Variants in CFAP44 observed in about 807,000 individuals in gnomAD.
The protein encoded by CFAP44 is cilia and flagella associated protein 44, also known as cilia- and flagella-associated protein 44.
CFAP44 carries 134 observed loss-of-function variants against 216.2 expected under a neutral mutation model. The ratio of observed to expected loss-of-function variants is 0.62; its 90% CI spans 0.54 to 0.72. The LOEUF (loss-of-function observed/expected upper bound fraction) is 0.72. CFAP44 is among the 30% of genes least tolerant of loss of function. CFAP44 has a pLI of 0.00. For missense variants in CFAP44, 2,035 were observed against 2,182.1 expected (o/e 0.93, Z 1.34); for synonymous variants, 700 against 727.6 (o/e 0.96, Z 0.61).
At chr3:113,410,884 TTC>T (rs1224358240) in intron 6 of CFAP44, among the ~76,000 whole-genome samples, 3 of 152,234 alleles carry the variant, frequency 2.0e-5, no homozygotes, top group African/African-American at 7.2e-5. Flanking sequence ...TGATTTGCAT[TTC>T]TCTGATGGCC....
intron 22 of CFAP44, among the ~76,000 whole-genome samples, chr3:113,345,056 C>T (rs1445071421): frequency 4.0e-5 from 6 of 148,276 alleles, no homozygotes; most frequent in Admixed American, 3.4e-4. Flanking sequence ...ATCCATCTCC[C>T]TACATATTAT....
intron 19 of CFAP44, among the ~76,000 whole-genome samples, chr3:113,364,580 T>C (rs1025928153): frequency 6.6e-6 from 1 of 152,192 alleles, no homozygotes; most frequent in Non-Finnish European, 1.5e-5. Flanking sequence ...GTACCTTGGT[T>C]TTCTAATATC....
At chr3:113,345,593 A>G (rs1950373835) in intron 22 of CFAP44, among the ~76,000 whole-genome samples, 1 of 152,214 alleles carries the variant, frequency 6.6e-6, no homozygotes, top group Non-Finnish European at 1.5e-5. Context: ...CTCTGTAAAA[A>G]ACATTAAGCT....
intron 28 of CFAP44, among the ~76,000 whole-genome samples, chr3:113,322,436 C>G (rs551518162): frequency 1.3e-5 from 2 of 152,198 alleles, no homozygotes; most frequent in South Asian, 4.2e-4. Flanking sequence ...AGGACATGAA[C>G]ATACACTTCT....
At chr3:113,351,334 G>A (rs1436100120) in intron 22 of CFAP44, among the ~76,000 whole-genome samples, 2 of 152,152 alleles carry the variant, frequency 1.3e-5, no homozygotes, top group African/African-American at 4.8e-5. Flanking sequence ...ACCCCTCAAA[G>A]CTTAAGTCCA....
At chr3:113,402,896 C>G (rs2107362461) in intron 9 of CFAP44, among the ~76,000 whole-genome samples, 1 of 151,982 alleles carries the variant, frequency 6.6e-6, no homozygotes, top group Middle Eastern at 3.4e-3. Flanking sequence ...TATCATATGA[C>G]AAAATAAAGG....
At chr3:113,346,638 C>T (rs1365618390) in intron 22 of CFAP44, among the ~76,000 whole-genome samples, 4 of 151,750 alleles carry the variant, frequency 2.6e-5, no homozygotes, top group Non-Finnish European at 5.9e-5. Flanking sequence ...CACCAATCAG[C>T]GCTCTGTGTC....
chr3:113,388,015 G>T (rs950984009), intron 15 of CFAP44, among the ~76,000 whole-genome samples: 8 of 152,068 alleles, frequency 5.3e-5, no homozygotes, highest in African/African-American at 1.9e-4. Context: ...TGGAGTGCCA[G>T]TTCAGCCACA....
intron 1 of CFAP44, among the ~76,000 whole-genome samples, chr3:113,435,286 TA>T (rs1287832463): frequency 1.3e-5 from 2 of 152,158 alleles, no homozygotes; most frequent in African/African-American, 4.8e-5. Context: ...TTGGCATGGC[TA>T]GGGAGGCCTC....
chr3:113,412,556 T>C (rs1357794475), intron 6 of CFAP44, among the ~76,000 whole-genome samples: 2 of 152,068 alleles, frequency 1.3e-5, no homozygotes, highest in Admixed American at 1.3e-4. Flanking sequence ...CTGGTGTGTG[T>C]TGTTCCCCTC....
At chr3:113,380,378 G>A (rs1255295543) in intron 16 of CFAP44, among the ~76,000 whole-genome samples, 1 of 151,986 alleles carries the variant, frequency 6.6e-6, no homozygotes, top group African/African-American at 2.4e-5. Context: ...ATTCTCTTGG[G>A]ATGTTCTTCC....
intron 15 of CFAP44, among the ~76,000 whole-genome samples, chr3:113,395,305 G>T (rs745732087): frequency 7.9e-5 from 12 of 152,216 alleles, no homozygotes; most frequent in Non-Finnish European, 1.8e-4. Context: ...TAAAAGGATA[G>T]AAGAGAAAAT....
At chr3:113,291,893 C>T in intron 34 of CFAP44, 145 bp from the exon 35 acceptor site, 1 of 900,232 alleles carries the variant, frequency 1.1e-6, no homozygotes, top group Non-Finnish European at 1.6e-6. Context: ...CCTTCAATTC[C>T]TCTGCTAAAA....
At chr3:113,343,055 CTTTCTT>C (rs1471115947) in intron 23 of CFAP44, among the ~76,000 whole-genome samples, 19 of 125,792 alleles carry the variant, frequency 1.5e-4, no homozygotes, top group African/African-American at 5.1e-4. Flanking sequence ...TTCTTTCTTT[CTTTCTT>C]TTTTTTTTTT....
intron 28 of CFAP44, among the ~76,000 whole-genome samples, chr3:113,320,137 A>C (rs1950128413): frequency 6.6e-6 from 1 of 152,106 alleles, no homozygotes; most frequent in African/African-American, 2.4e-5. Context: ...CATCAGATGA[A>C]TTCACAGCTG....
At chr3:113,376,786 G>A (rs1933357471) in intron 17 of CFAP44, among the ~76,000 whole-genome samples, 1 of 152,194 alleles carries the variant, frequency 6.6e-6, no homozygotes, top group South Asian at 2.1e-4. Flanking sequence ...AGCAAGGGGG[G>A]AAAAGGAAAG....
chr3:113,407,785 G>T (rs1319746069), intron 7 of CFAP44, among the ~76,000 whole-genome samples: 1 of 152,152 alleles, frequency 6.6e-6, no homozygotes, highest in Non-Finnish European at 1.5e-5. Flanking sequence ...AATAGATAAT[G>T]GAGAGTATCA....
chr3:113,357,707 A>G (rs1269570720), intron 22 of CFAP44, among the ~76,000 whole-genome samples: 1 of 152,192 alleles, frequency 6.6e-6, no homozygotes, highest in Non-Finnish European at 1.5e-5. Flanking sequence ...AGTGGGGATC[A>G]ATTGGGATTC....
At position 113,387,894 on chromosome 3, in the gene CFAP44, G is replaced by T. The variant is rs113428799; in HGVS notation, c.1891-6834C>A. ...GCCCTTGGGCCTTGAGTGAGAATCA[G>T]CAATAGCCAGGGAGTACTTGCCACA... On this transcript the variant is annotated intron_variant, in intron 15 of 34. Transcript: ENST00000393845. 8.1e-3 allele frequency among the ~76,000 whole-genome samples: 1,228 copies of T among 152,196 alleles called. 18 individuals carry two copies. The highest frequency in any genetic ancestry group is 0.028 in the African/African-American group (1,164 of 41,522).
Sources: allele counts gnomAD v4.1 joint callset (sites outside exome capture counted in the v4.1 genomes callset), GRCh38; gene constraint gnomAD v4.1.1; transcripts MANE v1.5; gene names NCBI Gene and HGNC (gene_info 2026-07-23, HGNC 2026-07-21).